The following ENOSF1 variants were observed in gnomAD, a reference collection of about 807,000 sequenced individuals.
The protein encoded by ENOSF1 is mitochondrial enolase superfamily member 1.
Under a neutral mutation model 68.2 loss-of-function variants are expected in ENOSF1, and 73 were observed. The ratio of observed to expected loss-of-function variants is 1.07; its 90% CI spans 0.89 to 1.30. The LOEUF (loss-of-function observed/expected upper bound fraction) is 1.30, where lower values mean the gene tolerates loss of function less well. Among genes scored for constraint, ENOSF1 ranks in the 50% most tolerant of loss-of-function variants. The probability of loss-of-function intolerance (pLI) is 0.00; values close to 1 mark genes in which losing one functional copy is unlikely to be tolerated. For missense variants in ENOSF1, 589 were observed against 554.5 expected (o/e 1.06, Z -0.62); for synonymous variants, 223 against 210.4 (o/e 1.06, Z -0.52).
Position 691,257 on chromosome 18 carries a change from G to A in ENOSF1, c.443C>T (p.Ser148Phe). The A allele has an allele frequency of 6.2e-7, 1 of 1,614,116 alleles. No homozygotes were observed. The highest frequency in any genetic ancestry group is 8.5e-7 in the Non-Finnish European group (1 of 1,179,990). Residue 148 changes from serine to phenylalanine, a missense_variant, in exon 6 of 16, where the codon TCC (serine) becomes TTC (phenylalanine). By Grantham distance (155) the Ser-to-Phe change is radical. Transcript: ENST00000647584. The stretch of plus-strand genomic sequence containing the variant: ...AGTGATGTACCTGAAATCTATGCAG[G>A]ATACCAGCATCCTGGGATCCTGGCA... ...LVDMDPRMLV[S>F]CIDFRYITDV...
chr18:704,180 T>C (rs2078668467), intron 2 of ENOSF1, among the ~76,000 whole-genome samples: 1 of 152,126 alleles, frequency 6.6e-6, no homozygotes, highest in Non-Finnish European at 1.5e-5. Flanking sequence ...ATGCCTATAA[T>C]CTTAGCACTT....
chr18:681,814 C>T (rs2076107332), intron 11 of ENOSF1, among the ~76,000 whole-genome samples: 1 of 152,212 alleles, frequency 6.6e-6, no homozygotes, highest in Admixed American at 6.5e-5. Context: ...CTCGGCTGTT[C>T]TCTCCAGCGA....
chr18:708,218 G>A (rs2079146369), intron 1 of ENOSF1, among the ~76,000 whole-genome samples: 1 of 152,118 alleles, frequency 6.6e-6, no homozygotes. Flanking sequence ...GTGGCTGAGG[G>A]AGCTGTATGT....
At chr18:669,325 G>T, downstream of ENOSF1, 3 of 564,648 alleles carry the variant, frequency 5.3e-6, no homozygotes, top group Non-Finnish European at 3.1e-6. Flanking sequence ...GTCACATTTT[G>T]CTGCACTTTC....
chr18:690,970 G>A, intron 7 of ENOSF1, 98 bp downstream of exon 7: 2 of 1,390,388 alleles, frequency 1.4e-6, no homozygotes, highest in Non-Finnish European at 2.0e-6. Flanking sequence ...GCTCAGCACA[G>A]GGCATTTGGG....
chr18:668,045 A>G (rs2074891637), downstream of ENOSF1, among the ~76,000 whole-genome samples: 1 of 133,546 alleles, frequency 7.5e-6, no homozygotes. Context: ...CACACTACCC[A>G]GTTTCCCCCA....
Position 671,295 on chromosome 18 carries a change from G to A in ENOSF1, c.*3010C>T. The stretch of plus-strand genomic sequence containing the variant: ...TTATTTTTTTAAAAAAAGCCTTGCG[G>A]TGTCTGCATATTCTAATGTTTTTAA... On this transcript the variant is annotated 3_prime_UTR_variant, in exon 16 of 16. Coordinates refer to ENST00000647584, the MANE Select transcript of ENOSF1 (RefSeq NM_017512.7). 2 of 902,552 alleles carry A rather than the reference G, an allele frequency of 2.2e-6. No homozygotes were observed. The highest frequency in any genetic ancestry group is 1.8e-6 in the Non-Finnish European group (1 of 542,540). 55.9% of individuals were successfully genotyped at this position (902,552 alleles called of 1,614,324 possible).
chr18:705,590 C>G (rs528557378), intron 2 of ENOSF1, among the ~76,000 whole-genome samples: 3 of 152,210 alleles, frequency 2.0e-5, no homozygotes, highest in South Asian at 2.1e-4. Context: ...AAAAGAATGA[C>G]GTATACATGG....
chr18:666,980 GAGATGGT>G (rs2074843044), downstream of ENOSF1, among the ~76,000 whole-genome samples: 2 of 14,266 alleles, frequency 1.4e-4, no homozygotes, highest in Non-Finnish European at 2.9e-4. Flanking sequence ...GATGGAGATG[GAGATGGT>G]GATGGTGATG....
chr18:693,220 G>A, intron 5 of ENOSF1: 1 of 1,289,152 alleles, frequency 7.8e-7, no homozygotes, highest in Non-Finnish European at 1.0e-6. Context: ...CAAGTGCATA[G>A]CTTTAGAATT....
In ENOSF1 at chr18:671,686, G is replaced by A. The variant is rs905211477; in HGVS notation, c.*2619C>T. ...TGAGGTACTAAGCACCAGTACCAGA[G>A]AGGGAAGAGCCACATTCAAGCCAGG... On this transcript the variant is annotated 3_prime_UTR_variant, in exon 16 of 16. Coordinates refer to ENST00000647584, the MANE Select transcript of ENOSF1 (RefSeq NM_017512.7). The A allele has an allele frequency of 1.9e-6, 1 of 532,550 alleles. No homozygotes were observed. The highest frequency in any genetic ancestry group is 2.5e-5 in the South Asian group (1 of 40,140). The allele number at this position is 532,550 out of a possible 1,614,324, so 33.0% of individuals were successfully genotyped here.
Position 691,055 on chromosome 18 carries a change from T to C in ENOSF1, c.535+13A>G, listed in dbSNP as rs1336231898. 9 of 1,614,120 alleles carry C rather than the reference T, an allele frequency of 5.6e-6. No individual in the cohort carries two copies. The highest frequency in any genetic ancestry group is 1.7e-5 in the Admixed American group (1 of 60,024). The stretch of plus-strand genomic sequence containing the variant: ...TTAGCAAAAACAATGAAGAAAATTT[T>C]CTTACAACCCACCTCTTTCTTTTTT... On this transcript the variant is annotated intron_variant, in intron 7 of 15. Coordinates refer to ENST00000647584, the MANE Select transcript of ENOSF1 (RefSeq NM_017512.7).
Position 672,953 on chromosome 18 carries a change from G to A in ENOSF1, c.*1352C>T. The A allele has an allele frequency of 6.3e-7, 1 of 1,595,318 alleles. No individual in the cohort carries two copies. Among genetic ancestry groups the A allele is most frequent in the Non-Finnish European group, 8.6e-7 (1 of 1,165,656 alleles). On this transcript the variant is annotated 3_prime_UTR_variant, in exon 16 of 16. Coordinates refer to ENST00000647584, the MANE Select transcript of ENOSF1 (RefSeq NM_017512.7). Reference sequence around the variant, plus strand: ...CAAAGCTGAAGACTTTCAGATTGAAGGGTACAATCCGCATCCAACTATTAA... The same window carrying A: ...CAAAGCTGAAGACTTTCAGATTGAAAGGTACAATCCGCATCCAACTATTAA...
downstream of ENOSF1, chr18:668,977 C>CTGGGTAAG: frequency 9.7e-7 from 1 of 1,030,610 alleles, no homozygotes; most frequent in Non-Finnish European, 1.4e-6. Flanking sequence ...AGGGGGGACC[C>CTGGGTAAG]TGGGTAAGAG....
Position 712,565 on chromosome 18 carries a change from CG to C in ENOSF1, c.22del (p.Arg8GlyfsTer34), listed in dbSNP as rs1193738262. On this transcript the variant is annotated frameshift_variant, in exon 1 of 16. Transcript: ENST00000647584. LOFTEE classifies it high-confidence loss of function. ...GAAGCGCACGTCCCGGACCGAGAGC[CG>C]GGAGATCCTGCCGCGCACCATGGCC... is the stretch of plus-strand genomic sequence containing the variant. Reference protein sequence around the residue: MVRGRISRLSVRDVRFPT... With the variant: MVRGRISXLSVRDVRFPT... The C allele has an allele frequency of 6.6e-7, 1 of 1,511,510 alleles. No homozygotes were observed. Among genetic ancestry groups the C allele is most frequent in the Admixed American group, 2.0e-5 (1 of 49,836 alleles). 93.6% of individuals were successfully genotyped at this position (1,511,510 alleles called of 1,614,324 possible).
chr18:695,236 A>G (rs1240384647), intron 3 of ENOSF1, among the ~76,000 whole-genome samples: 7 of 152,230 alleles, frequency 4.6e-5, no homozygotes, highest in Admixed American at 2.6e-4. Flanking sequence ...TTTGTACAGC[A>G]TTCCTCAATC....
At chr18:695,783 A>T (rs754624050) in intron 3 of ENOSF1, among the ~76,000 whole-genome samples, 7 of 152,176 alleles carry the variant, frequency 4.6e-5, no homozygotes, top group African/African-American at 1.2e-4. Context: ...GATTTTATTC[A>T]ATGGGTTATA....
chr18:676,040 C>T (rs2075478978), intron 14 of ENOSF1, among the ~76,000 whole-genome samples: 1 of 152,162 alleles, frequency 6.6e-6, no homozygotes, highest in Non-Finnish European at 1.5e-5. Flanking sequence ...AAAATACATT[C>T]CATACTCCCC....
rs1338473395 is a variant in ENOSF1, at chr18:674,210, C to T, written c.*95G>A. ...GACTTCTAGCTGAACTCATCTTGATCGGTAGGATTTTTTAAATCCATTTTT... is the reference window on the plus strand; with the variant it reads ...GACTTCTAGCTGAACTCATCTTGATTGGTAGGATTTTTTAAATCCATTTTT... On this transcript the variant is annotated 3_prime_UTR_variant, in exon 16 of 16. Transcript: ENST00000647584. 2.1e-5 allele frequency: 17 copies of T among 825,588 alleles called. No homozygotes were observed. Among genetic ancestry groups the T allele is most frequent in the South Asian group, 3.4e-5 (2 of 59,220 alleles). The allele number at this position is 825,588 out of a possible 1,614,324, so 51.1% of individuals were successfully genotyped here. A position where few individuals can be genotyped will look rare whatever the true frequency, so the allele number is the denominator to read the frequency against.
Sources: allele counts gnomAD v4.1 joint callset (sites outside exome capture counted in the v4.1 genomes callset), GRCh38; gene constraint gnomAD v4.1.1; transcripts MANE v1.5; gene names NCBI Gene and HGNC (gene_info 2026-07-23, HGNC 2026-07-21).